TNRC6A: variants seen among roughly 807,000 people sequenced by gnomAD.
The protein encoded by TNRC6A is trinucleotide repeat-containing gene 6A protein.
In TNRC6A, 44 loss-of-function variants were observed where a neutral mutation model predicts 221.2. That is an observed-to-expected ratio of 0.20 (90% confidence interval 0.16 to 0.26). TNRC6A has a LOEUF of 0.26. TNRC6A is among the 10% of genes least tolerant of loss of function. The pLI is 1.00. For synonymous variants in TNRC6A, 847 were observed against 838.5 expected, an observed-to-expected ratio of 1.01 and a Z score of -0.18; for missense variants, 2,199 against 2,404.4, an observed-to-expected ratio of 0.91 and a Z score of 1.79.
Position 24,646,953 on chromosome 16 carries a change from G to C in TNRC6A, n.402+5944G>C, listed in dbSNP as rs13332549. ...TTATTTATTCATTTATTTTGAGACA[G>C]AGTTTCCCTCTATTTCCCAGGCTGG... On this transcript the variant is annotated intron_variant and non_coding_transcript_variant, in intron 2 of 2. Transcript: ENST00000566108. Among the ~76,000 whole-genome samples the C allele has an allele frequency of 7.2e-3, 1,090 of 152,126 alleles. 14 individuals carry two copies. Among genetic ancestry groups the C allele is most frequent in the African/African-American group, 0.025 (1,033 of 41,516 alleles).
At chr16:24,702,107 C>CT (rs201421601) in intron 2 of TNRC6A, among the ~76,000 whole-genome samples, 4,524 of 50,182 alleles carry the variant, frequency 0.09, 203 homozygotes, top group African/African-American at 0.28. Context: ...TTTCTTTTTT[C>CT]TTTTTTTTTT....
In TNRC6A at chr16:24,648,374, G is replaced by A. The variant is rs567362792; in HGVS notation, n.402+7365G>A. On this transcript the variant is annotated intron_variant and non_coding_transcript_variant, in intron 2 of 2. Transcript: ENST00000566108. Reference sequence around the variant, plus strand: ...GCAACCTCCAACCCCCAGTTCAAGCGATTCTCCTGCCTCAGCCTCCCAAGT... The same window carrying A: ...GCAACCTCCAACCCCCAGTTCAAGCAATTCTCCTGCCTCAGCCTCCCAAGT... Among the ~76,000 whole-genome samples the A allele has an allele frequency of 4.9e-5, 7 of 141,702 alleles. No individual in the cohort carries two copies. The East Asian group carries it at 6.2e-4, about 13-fold the overall frequency. 93.0% of individuals were successfully genotyped at this position (141,702 alleles called of 152,430 possible).
At chr16:24,620,041 T>G (rs982477815) in intron 1 of TNRC6A, among the ~76,000 whole-genome samples, 4 of 151,630 alleles carry the variant, frequency 2.6e-5, no homozygotes, top group African/African-American at 7.3e-5. Context: ...TCTTGGGAGG[T>G]TGAGGTGGGA....
intron 2 of TNRC6A, among the ~76,000 whole-genome samples, chr16:24,698,930 G>A (rs866942511): frequency 2.0e-5 from 3 of 152,192 alleles, no homozygotes; most frequent in South Asian, 4.1e-4. Context: ...GGCTGGTCTC[G>A]AACTCCCAAC....
intron 9 of TNRC6A, 77 bp from the exon 10 acceptor site, chr16:24,797,411 TAA>T: frequency 1.9e-6 from 2 of 1,063,410 alleles, no homozygotes; most frequent in Non-Finnish European, 1.4e-6. Context: ...GGGATTGTCT[TAA>T]GTTTTATTAA....
chr16:24,653,767 C>T (rs911264816), intron 2 of TNRC6A, among the ~76,000 whole-genome samples: 2 of 126,934 alleles, frequency 1.6e-5, no homozygotes, highest in South Asian at 3.1e-4. Flanking sequence ...AGTGAGAGAG[C>T]GAGACTCTAT....
At chr16:24,685,674 A>G (rs2055612631) in intron 2 of TNRC6A, among the ~76,000 whole-genome samples, 1 of 152,166 alleles carries the variant, frequency 6.6e-6, no homozygotes, top group South Asian at 2.1e-4. Context: ...CTATTGCCCA[A>G]GCACTCTGAA....
chr16:24,702,398 G>C (rs796533738), intron 2 of TNRC6A, among the ~76,000 whole-genome samples: 3 of 151,594 alleles, frequency 2.0e-5, no homozygotes, highest in Admixed American at 6.6e-5. Context: ...AGCTTGTCTT[G>C]AACTCCTGGG....
intron 11 of TNRC6A, 146 bp downstream of exon 11, chr16:24,798,112 G>T: frequency 1.8e-6 from 1 of 569,808 alleles, no homozygotes; most frequent in East Asian, 2.9e-5. Flanking sequence ...TTAAATGAGT[G>T]CATGTGCCTT....
At chr16:24,771,587 A>T (rs200024839) in intron 4 of TNRC6A, among the ~76,000 whole-genome samples, 101 of 142,712 alleles carry the variant, frequency 7.1e-4, no homozygotes, top group Admixed American at 1.1e-3. Flanking sequence ...TTATGTTGTT[A>T]TGTTATGTTA....
chr16:24,638,930 G>A (rs1901781149), intron 1 of TNRC6A, among the ~76,000 whole-genome samples: 1 of 152,126 alleles, frequency 6.6e-6, no homozygotes, highest in African/African-American at 2.4e-5. Context: ...TAGGACTTAG[G>A]AGGTCAAGTA....
At chr16:24,754,406 G>A (rs1221244422) in intron 3 of TNRC6A, among the ~76,000 whole-genome samples, 1 of 152,024 alleles carries the variant, frequency 6.6e-6, no homozygotes, top group Non-Finnish European at 1.5e-5. Context: ...TATGGAGACC[G>A]ATGACTTTTG....
chr16:24,804,426 C>A (rs2058389514), intron 12 of TNRC6A, 107 bp downstream of exon 12: 18 of 1,309,144 alleles, frequency 1.4e-5, no homozygotes, highest in Non-Finnish European at 1.6e-5. Context: ...GTGTTACAAT[C>A]CACTACCAAA....
At chr16:24,733,235 C>T (rs2056685575) in intron 2 of TNRC6A, among the ~76,000 whole-genome samples, 1 of 152,084 alleles carries the variant, frequency 6.6e-6, no homozygotes, top group Non-Finnish European at 1.5e-5. Context: ...CTTTTAATAA[C>T]ATGGAAGCCT....
chr16:24,674,049 A>G (rs1238235973), intron 2 of TNRC6A, among the ~76,000 whole-genome samples: 1 of 151,978 alleles, frequency 6.6e-6, no homozygotes, highest in Non-Finnish European at 1.5e-5. Flanking sequence ...GCTGGGAACC[A>G]TTGTCTCTAA....
rs748070015 is a variant in TNRC6A, at chr16:24,777,120, G to T, written c.351G>T (p.Pro117=). 1 of 1,596,582 alleles carries T rather than the reference G, an allele frequency of 6.3e-7. No individual in the cohort carries two copies. Among genetic ancestry groups the T allele is most frequent in the Non-Finnish European group, 8.6e-7 (1 of 1,168,404 alleles). The part of the protein sequence containing the change: ...QQPQQQPQPQ[P]QQQQPQQQPQ... ...CACAGCAGCAGCCACAGCCGCAGCC[G>T]CAGCAGCAGCAGCCACAGCAGCAGC... Residue 117 remains proline (P), a synonymous_variant, in exon 5 of 25, where the codon CCG becomes CCT. Coordinates refer to ENST00000395799, the MANE Select transcript of TNRC6A (RefSeq NM_014494.4).
chr16:24,611,966 C>T (rs771677459), intron 1 of TNRC6A, among the ~76,000 whole-genome samples: 29 of 152,068 alleles, frequency 1.9e-4, no homozygotes, highest in Non-Finnish European at 3.1e-4. Context: ...TCGTGGTGCA[C>T]ATCTGTAATC....
intron 11 of TNRC6A, chr16:24,803,912 A>G (rs906879952): frequency 9.1e-6 from 3 of 328,504 alleles, no homozygotes; most frequent in Non-Finnish European, 1.6e-5. Flanking sequence ...TAAAAAAGAA[A>G]AAAAAAGTGA....
chr16:24,660,490 G>A (rs60268158), intron 2 of TNRC6A, among the ~76,000 whole-genome samples: 4,197 of 152,010 alleles, frequency 0.028, 137 homozygotes, highest in East Asian at 0.14. Context: ...TGATTGATGG[G>A]CATTTGGGTT....
Sources: allele counts gnomAD v4.1 joint callset (sites outside exome capture counted in the v4.1 genomes callset), GRCh38; gene constraint gnomAD v4.1.1; transcripts MANE v1.5; gene names NCBI Gene and HGNC (gene_info 2026-07-23, HGNC 2026-07-21).